The following UGT1A7 variants were observed in gnomAD, a reference collection of about 807,000 sequenced individuals.
UGT1A7 encodes the protein UDP glucuronosyltransferase family 1 member A7, also known as UDP-glucuronosyltransferase 1A7.
In UGT1A7, 33 loss-of-function variants were observed where a neutral mutation model predicts 45.6. The ratio of observed to expected loss-of-function variants is 0.72; its 90% CI spans 0.55 to 0.97. UGT1A7 has a LOEUF of 0.97. Ranked by LOEUF, UGT1A7 falls within the 50% of genes least tolerant of loss-of-function variation. UGT1A7 has a pLI of 0.00. For synonymous variants in UGT1A7, 274 were observed against 250.6 expected (o/e 1.09, Z -0.88); for missense variants, 684 against 666.2 (o/e 1.03, Z -0.29).
chr2:233,685,462 A>G (rs753392033), intron 1 of UGT1A7, among the ~76,000 whole-genome samples: 1 of 152,240 alleles, frequency 6.6e-6, no homozygotes, highest in Non-Finnish European at 1.5e-5. Context: ...ATCTAGGGCC[A>G]GTGCAGCTCT....
chr2:233,743,533 T>A lies in UGT1A7; in HGVS notation c.856-23501T>A, dbSNP rs755870649. On this transcript the variant is annotated intron_variant, in intron 1 of 4. Transcript: ENST00000373426. The stretch of plus-strand genomic sequence containing the variant: ...CGCTCTGCTTCTGCTTCCCCAGCAG[T>A]TCCTCTGACCCCCCCAAAATATTCT... 4 of 1,367,096 alleles carry A rather than the reference T, an allele frequency of 2.9e-6. No individual in the cohort carries two copies. The African/African-American group carries it at 5.9e-5, about 20-fold the overall frequency. 84.7% of individuals were successfully genotyped at this position (1,367,096 alleles called of 1,614,324 possible).
At chr2:233,730,125 A>G (rs2077990033) in intron 1 of UGT1A7, 5 of 1,544,888 alleles carry the variant, frequency 3.2e-6, no homozygotes, top group Non-Finnish European at 4.4e-6. Flanking sequence ...TTGTCATAAT[A>G]GCCTTCAGTG....
intron 1 of UGT1A7, among the ~76,000 whole-genome samples, chr2:233,758,574 AAG>A (rs1434533042): frequency 6.6e-5 from 10 of 152,190 alleles, no homozygotes; most frequent in Admixed American, 3.3e-4. Flanking sequence ...CTAAAAAATG[AAG>A]AGTGTTTGGG....
chr2:233,768,873 C>T (rs952377610), intron 4 of UGT1A7, among the ~76,000 whole-genome samples: 1 of 151,950 alleles, frequency 6.6e-6, no homozygotes, highest in African/African-American at 2.4e-5. Flanking sequence ...CATGAGCCAG[C>T]GCGTCTGACC....
chr2:233,760,380 G>A, intron 1 of UGT1A7: 1 of 1,614,192 alleles, frequency 6.2e-7, no homozygotes, highest in Non-Finnish European at 8.5e-7. Flanking sequence ...GGAAGATACT[G>A]TTGATCCCAG....
intron 1 of UGT1A7, among the ~76,000 whole-genome samples, chr2:233,764,386 G>A (rs141556907): frequency 3.9e-5 from 6 of 152,290 alleles, no homozygotes; most frequent in Non-Finnish European, 7.4e-5. Context: ...GGAGTTGGCC[G>A]TGATGACAAC....
At chr2:233,743,995 GC>G (rs1271235263) in intron 1 of UGT1A7, 1 of 1,246,764 alleles carries the variant, frequency 8.0e-7, no homozygotes. Flanking sequence ...AGGCCCGAGT[GC>G]TCGGAGACCT....
chr2:233,742,026 T>C (rs1691848344), intron 1 of UGT1A7: 1 of 151,940 alleles, frequency 6.6e-6, no homozygotes, highest in South Asian at 2.1e-4. Flanking sequence ...CCTAATTTGA[T>C]ATGTCCCAAG....
intron 1 of UGT1A7, among the ~76,000 whole-genome samples, chr2:233,694,882 G>T (rs2075245921): frequency 6.6e-6 from 1 of 152,096 alleles, no homozygotes; most frequent in Admixed American, 6.5e-5. Context: ...CACATTTGGG[G>T]GGTTCATGTG....
rs1029804751 is a variant in UGT1A7, at chr2:233,760,707, G to A, written c.856-6327G>A. ...ACAACAAGGAGCTCATGGCCTCCCT[G>A]GCAGAAAGCAGCTTTGATGTCATGC... On this transcript the variant is annotated intron_variant, in intron 1 of 4. Transcript: ENST00000373426. 6.8e-6 allele frequency: 11 copies of A among 1,614,064 alleles called. No individual in the cohort carries two copies. The East Asian group carries it at 8.9e-5, about 13-fold the overall frequency.
intron 1 of UGT1A7, among the ~76,000 whole-genome samples, chr2:233,745,792 G>A (rs1203318312): frequency 6.6e-6 from 1 of 151,102 alleles, no homozygotes; most frequent in Non-Finnish European, 1.5e-5. Context: ...AGGGGGGCTG[G>A]GGTCTATCCC....
At chr2:233,713,902 A>G in intron 1 of UGT1A7, 1 of 1,612,946 alleles carries the variant, frequency 6.2e-7, no homozygotes, top group South Asian at 1.1e-5. Flanking sequence ...CAGGCAAAAC[A>G]CTTTTTAAAA....
Position 233,757,535 on chromosome 2 carries a change from A to AATATATATATATATATATAT in UGT1A7, c.856-9492_856-9473dup, listed in dbSNP as rs67292694. Among the ~76,000 whole-genome samples the AATATATATATATATATATAT allele has an allele frequency of 6.1e-3, 541 of 88,064 alleles. 3 individuals are homozygous for AATATATATATATATATATAT. The highest frequency in any genetic ancestry group is 0.013 in the East Asian group (47 of 3,574). The allele number at this position is 88,064 out of a possible 152,430, so 57.8% of individuals were successfully genotyped here. On this transcript the variant is annotated intron_variant, in intron 1 of 4. Coordinates refer to ENST00000373426, the MANE Select transcript of UGT1A7 (RefSeq NM_019077.3). ...CAAAGCCAAAATCTTGCCTGTAAGG[A>AATATATATATATATATATAT]ATATATATATATATATATATATATA...
intron 1 of UGT1A7, among the ~76,000 whole-genome samples, chr2:233,738,179 C>T (rs577754213): frequency 2.6e-5 from 4 of 152,258 alleles, no homozygotes; most frequent in African/African-American, 4.8e-5. Context: ...TCATGTAAGA[C>T]GTGTCTTTGC....
chr2:233,700,871 C>G (rs1196807341), intron 1 of UGT1A7, among the ~76,000 whole-genome samples: 4 of 151,832 alleles, frequency 2.6e-5, no homozygotes, highest in African/African-American at 9.7e-5. Context: ...ATCCCTCCCT[C>G]CTCCCCCCAC....
intron 1 of UGT1A7, chr2:233,691,741 C>G (rs1019333955): frequency 3.1e-6 from 2 of 651,030 alleles, no homozygotes; most frequent in Non-Finnish European, 3.8e-6. Flanking sequence ...GAAGCAGATA[C>G]CAGGCTTTCT....
Position 233,767,860 on chromosome 2 carries a change from G to C in UGT1A7, c.999G>C (p.Arg333=). ...LGKIPQTVLW[R]YTGTRPSNLA... is the part of the protein sequence containing the mutation. ...TTTGCCCCTCCCAGGTCCTGTGGCGGTACACTGGAACCCGACCATCGAATC... is the reference window on the plus strand; with the variant it reads ...TTTGCCCCTCCCAGGTCCTGTGGCGCTACACTGGAACCCGACCATCGAATC... Residue 333 remains arginine (R), a synonymous_variant, in exon 3 of 5, where the codon CGG becomes CGC. Coordinates refer to ENST00000373426, the MANE Select transcript of UGT1A7 (RefSeq NM_019077.3). The C allele has an allele frequency of 1.2e-6, 2 of 1,614,120 alleles. No individual in the cohort carries two copies. The highest frequency in any genetic ancestry group is 1.7e-6 in the Non-Finnish European group (2 of 1,180,048).
rs560828770 is a variant in UGT1A7, at chr2:233,701,758, G to A, written c.855+18966G>A. 2.2e-4 allele frequency among the ~76,000 whole-genome samples: 34 copies of A among 152,276 alleles called. No individual in the cohort carries two copies. The East Asian group carries it at 2.3e-3, about 10-fold the overall frequency. On this transcript the variant is annotated intron_variant, in intron 1 of 4. Transcript: ENST00000373426. ...CCTGAATAACTACTGGGTACATAACGAAATGAAGGCAGAAATAAAGGTGTT... is the reference window on the plus strand; with the variant it reads ...CCTGAATAACTACTGGGTACATAACAAAATGAAGGCAGAAATAAAGGTGTT...
chr2:233,691,482 G>A, intron 1 of UGT1A7: 1 of 985,742 alleles, frequency 1.0e-6, no homozygotes, highest in Non-Finnish European at 1.2e-6. Context: ...TGCCAAACTT[G>A]TGGGTGGGAA....
Sources: gnomAD v4.1 joint callset for allele counts (sites outside exome capture counted in the v4.1 genomes callset) on GRCh38, gnomAD v4.1.1 for gene constraint, MANE v1.5 for transcripts, NCBI Gene and HGNC (gene_info 2026-07-23, HGNC 2026-07-21) for gene names.